NEGR1: variants seen among roughly 807,000 people sequenced by gnomAD.
The protein encoded by NEGR1 is IgLON family member 4.
A neutral mutation model predicts 40.9 loss-of-function variants in NEGR1; 10 were observed. That is an observed-to-expected ratio of 0.24 (90% CI 0.15 to 0.42). The LOEUF (loss-of-function observed/expected upper bound fraction) is 0.42. Ranked by LOEUF, NEGR1 falls within the 10% of genes least tolerant of loss-of-function variation. The pLI is 1.00. For missense variants in NEGR1, 352 were observed against 438.9 expected, an observed-to-expected ratio of 0.80 and a Z score of 1.77; for synonymous variants, 185 against 166.8, an observed-to-expected ratio of 1.11 and a Z score of -0.84.
chr1:71,750,631 G>C (rs923194341), intron 3 of NEGR1, among the ~76,000 whole-genome samples: 1 of 151,938 alleles, frequency 6.6e-6, no homozygotes, highest in Admixed American at 6.6e-5. Flanking sequence ...TCACTATCGA[G>C]AACAGCATGG....
chr1:71,536,034 T>C (rs925849285), intron 6 of NEGR1, among the ~76,000 whole-genome samples: 1 of 151,564 alleles, frequency 6.6e-6, no homozygotes. Context: ...ATGGAAAAAT[T>C]TGCATATGAA....
chr1:71,656,190 C>T (rs1430845630), intron 4 of NEGR1, among the ~76,000 whole-genome samples: 1 of 152,082 alleles, frequency 6.6e-6, no homozygotes, highest in African/African-American at 2.4e-5. Context: ...AAGTATCAGA[C>T]GCAGTGACAT....
At chr1:72,265,567 G>A (rs1655610322) in intron 1 of NEGR1, among the ~76,000 whole-genome samples, 1 of 150,556 alleles carries the variant, frequency 6.6e-6, no homozygotes, top group Admixed American at 6.6e-5. Flanking sequence ...ACTATTTATT[G>A]AATTCCCCAC....
intron 3 of NEGR1, among the ~76,000 whole-genome samples, chr1:71,768,992 G>A (rs947292318): frequency 2.0e-5 from 3 of 151,896 alleles, no homozygotes; most frequent in African/African-American, 7.3e-5. Flanking sequence ...GTTTCCTGAG[G>A]CCTCCCCAGA....
intron 6 of NEGR1, among the ~76,000 whole-genome samples, chr1:71,482,150 G>T (rs975648078): frequency 6.6e-6 from 1 of 151,728 alleles, no homozygotes; most frequent in Non-Finnish European, 1.5e-5. Flanking sequence ...TCCTCATACT[G>T]ATACCTCTCT....
At position 72,140,151 on chromosome 1, in the gene NEGR1, CT is replaced by C. The variant is rs200951200; in HGVS notation, c.176+142167del. 5.4e-3 allele frequency among the ~76,000 whole-genome samples: 820 copies of C among 152,098 alleles called. 5 individuals carry two copies. The highest frequency in any genetic ancestry group is 0.019 in the African/African-American group (782 of 41,508). On this transcript the variant is annotated intron_variant, in intron 1 of 6. Transcript: ENST00000357731. ...AGAGGCTGGAATTAATTTCTGAATC[CT>C]TATGTCACTCTATCAATTTCCTAGC...
At chr1:71,671,895 T>C (rs72677202) in intron 4 of NEGR1, among the ~76,000 whole-genome samples, 2,897 of 17,596 alleles carry the variant, frequency 0.16, 17 homozygotes, top group Non-Finnish European at 0.18. Context: ...CTCTCTCTCT[T>C]TTTTTTTTTT....
At chr1:71,927,706 G>A (rs540547011) in intron 2 of NEGR1, among the ~76,000 whole-genome samples, 136 of 151,022 alleles carry the variant, frequency 9.0e-4, no homozygotes, top group African/African-American at 2.7e-3. Context: ...CTGGCCAGGC[G>A]TAGGGGCTCA....
chr1:71,716,709 T>G (rs1347233802), intron 3 of NEGR1, among the ~76,000 whole-genome samples: 1 of 152,156 alleles, frequency 6.6e-6, no homozygotes, highest in Non-Finnish European at 1.5e-5. Context: ...AGATAATATT[T>G]ACTCAATATA....
chr1:72,081,871 C>T (rs114951807), intron 1 of NEGR1, among the ~76,000 whole-genome samples: 1,616 of 152,158 alleles, frequency 0.011, 29 homozygotes, highest in African/African-American at 0.037. Flanking sequence ...ATGACAAGTA[C>T]TTCCTTAAGA....
intron 2 of NEGR1, among the ~76,000 whole-genome samples, chr1:71,835,640 G>A (rs1187847509): frequency 1.3e-5 from 2 of 152,040 alleles, no homozygotes; most frequent in African/African-American, 4.8e-5. Context: ...AATCACAAGG[G>A]ATTGCTTTTG....
intron 1 of NEGR1, among the ~76,000 whole-genome samples, chr1:72,042,047 T>C (rs1366105379): frequency 6.7e-6 from 1 of 149,294 alleles, no homozygotes; most frequent in African/African-American, 2.5e-5. Context: ...ATATATCTAT[T>C]TGAGAAATAC....
intron 6 of NEGR1, among the ~76,000 whole-genome samples, chr1:71,539,006 T>C (rs1647599576): frequency 6.6e-6 from 1 of 151,766 alleles, no homozygotes; most frequent in African/African-American, 2.4e-5. Context: ...ACATGGTTGT[T>C]GTTTAAAGGA....
chr1:72,180,124 A>C (rs1652311321), intron 1 of NEGR1, among the ~76,000 whole-genome samples: 2 of 152,114 alleles, frequency 1.3e-5, no homozygotes, highest in Non-Finnish European at 2.9e-5. Flanking sequence ...TACTGATTTA[A>C]AATTATATTA....
At chr1:71,684,624 T>C (rs1057037648) in intron 4 of NEGR1, among the ~76,000 whole-genome samples, 1 of 152,188 alleles carries the variant, frequency 6.6e-6, no homozygotes, top group Admixed American at 6.5e-5. Flanking sequence ...AGAGTCTCTT[T>C]CGAGAATAAT....
intron 1 of NEGR1, among the ~76,000 whole-genome samples, chr1:72,084,658 A>G (rs1321613457): frequency 2.6e-5 from 4 of 152,168 alleles, no homozygotes; most frequent in Non-Finnish European, 5.9e-5. Context: ...TGTGTTGAGT[A>G]AAGGAATTAA....
intron 1 of NEGR1, among the ~76,000 whole-genome samples, chr1:72,242,215 G>T: frequency 6.6e-6 from 1 of 151,498 alleles, no homozygotes; most frequent in East Asian, 1.9e-4. Flanking sequence ...GAATATCATT[G>T]CTCTGAAAAC....
chr1:72,035,210 C>T (rs1164271852), intron 1 of NEGR1, among the ~76,000 whole-genome samples: 1 of 152,144 alleles, frequency 6.6e-6, no homozygotes, highest in African/African-American at 2.4e-5. Context: ...AAACCGGAGA[C>T]CCTCTCTCGG....
chr1:72,024,386 C>T (rs1485145221), intron 1 of NEGR1, among the ~76,000 whole-genome samples: 2 of 151,818 alleles, frequency 1.3e-5, no homozygotes, highest in African/African-American at 4.8e-5. Context: ...GGATCATTAA[C>T]AGCATTTATT....
Sources: allele counts gnomAD v4.1 joint callset (sites outside exome capture counted in the v4.1 genomes callset), GRCh38; gene constraint gnomAD v4.1.1; transcripts MANE v1.5; gene names NCBI Gene and HGNC (gene_info 2026-07-23, HGNC 2026-07-21).